MTERF4: variants seen among roughly 807,000 people sequenced by gnomAD.
The protein encoded by MTERF4 is mitochondrial transcription termination factor 4, also known as transcription termination factor 4, mitochondrial.
MTERF4 carries 17 observed loss-of-function variants against 22.5 expected under a neutral mutation model. The observed-to-expected ratio is 0.75, with a 90% CI of 0.52 to 1.13. MTERF4 has a LOEUF of 1.13. Ranked by LOEUF, MTERF4 falls within the 50% of genes most tolerant of loss-of-function variation. MTERF4 has a pLI of 0.00. For missense variants in MTERF4, 420 were observed against 466.8 expected (o/e 0.90, Z 0.92); for synonymous variants, 165 against 175.3 (o/e 0.94, Z 0.47).
chr2:241,076,142 T>C (rs1031740521), intron 4 of MTERF4, among the ~76,000 whole-genome samples: 1 of 152,240 alleles, frequency 6.6e-6, no homozygotes, highest in Non-Finnish European at 1.5e-5. Context: ...CTTCCACATA[T>C]ACACCTTCAA....
chr2:241,062,981 A>G, the MTERF4 span: 1 of 945,904 alleles, frequency 1.1e-6, no homozygotes, highest in Non-Finnish European at 1.6e-6. Context: ...GGTCCCCCGG[A>G]CAGGTCTCTG....
At chr2:241,077,003 C>T (rs112966382) in intron 4 of MTERF4, among the ~76,000 whole-genome samples, 2 of 151,198 alleles carry the variant, frequency 1.3e-5, no homozygotes, top group African/African-American at 4.9e-5. Context: ...GGCGTGAACC[C>T]GGGAGGTGGA....
chr2:241,078,261 T>C (rs960078214), intron 4 of MTERF4, among the ~76,000 whole-genome samples: 5 of 151,388 alleles, frequency 3.3e-5, no homozygotes, highest in African/African-American at 4.9e-5. Flanking sequence ...CGGGCGCCTG[T>C]AGTCCCAGCT....
the MTERF4 span, chr2:241,053,305 A>C: frequency 6.3e-7 from 1 of 1,589,968 alleles, no homozygotes; most frequent in Non-Finnish European, 8.6e-7. Flanking sequence ...CGGTGTCTGG[A>C]GTGAGCCTCC....
At position 241,099,396 on chromosome 2, in the gene MTERF4, C is replaced by G; in HGVS notation, c.520G>C (p.Gly174Arg). 7 of 1,611,314 alleles carry G rather than the reference C, an allele frequency of 4.3e-6. No individual in the cohort carries two copies. The highest frequency in any genetic ancestry group is 5.9e-6 in the Non-Finnish European group (7 of 1,178,410). Residue 174 changes from glycine (G) to arginine (R), a missense_variant and splice_region_variant, in exon 2 of 4, where the codon GGG (glycine) becomes CGG (arginine). Gly to Arg is a moderately radical substitution (Grantham distance 125). Coordinates refer to ENST00000391980, the MANE Select transcript of MTERF4 (RefSeq NM_182501.4). ...SYLQKLGLGEGKLKRVLYCCP... is the reference protein window; with the variant it reads ...SYLQKLGLGERKLKRVLYCCP... ...AGCCAAAATCTGCAACTTCTTGTAC[C>G]TTCTCCAAGCCCAAGCTTTTGCAGG...
chr2:241,057,423 G>A, the MTERF4 span, among the ~76,000 whole-genome samples: 1 of 127,174 alleles, frequency 7.9e-6, no homozygotes, highest in Non-Finnish European at 1.5e-5. Flanking sequence ...GCCATACGCA[G>A]TGGCTCACAC....
At chr2:241,050,027 C>G in the MTERF4 span, 1 of 934,234 alleles carries the variant, frequency 1.1e-6, no homozygotes. Context: ...CTCCTTGTTT[C>G]GCGAATTGCT....
In MTERF4 at chr2:241,073,206, C is replaced by G; in HGVS notation, n.2956G>C. The G allele has an allele frequency of 7.6e-7, 1 of 1,318,552 alleles. No homozygotes were observed. Among genetic ancestry groups the G allele is most frequent in the South Asian group, 1.3e-5 (1 of 78,502 alleles). The allele number at this position is 1,318,552 out of a possible 1,614,324, so 81.7% of individuals were successfully genotyped here. On this transcript the variant is annotated non_coding_transcript_exon_variant, in exon 5 of 5. Coordinates refer to the MTERF4 transcript ENST00000464344. This position sits in a 1 kb window ranked among gnomAD's most constrained non-coding sequence, Gnocchi z 6.6. ...TATAGAAGCACTCAAAAGGGTGGCC[C>G]CAGGACCATCCCGGGTGCAAAGCAG...
At chr2:241,047,146 C>CAAAAAA in the MTERF4 span, among the ~76,000 whole-genome samples, 1 of 68,150 alleles carries the variant, frequency 1.5e-5, no homozygotes, top group African/African-American at 4.6e-5. Context: ...GAGACTCTGT[C>CAAAAAA]AAAAAAAAAA....
the MTERF4 span, among the ~76,000 whole-genome samples, chr2:241,056,364 C>T: frequency 6.6e-6 from 1 of 152,138 alleles, no homozygotes; most frequent in Middle Eastern, 3.2e-3. Flanking sequence ...GATCCTCCTG[C>T]CTCTGCCTCC....
rs779649126 is a variant in MTERF4, at chr2:241,099,681, C to T, written c.235G>A (p.Glu79Lys). ...TGTACCACAGGAGTCCCCTGCTTCT[C>T]AAGGAGGCACTGAACAAGATTCCTC... Reference protein sequence around the residue: ...CRRNLVQCLLEKQGTPVVQGS... With the variant: ...CRRNLVQCLLKKQGTPVVQGS... Residue 79 changes from glutamate to lysine, a missense_variant, in exon 2 of 4, where the codon GAG becomes AAG. Physicochemically the swap from Glu to Lys is moderately conservative, Grantham distance 56. Coordinates refer to ENST00000391980, the MANE Select transcript of MTERF4 (RefSeq NM_182501.4). The T allele has an allele frequency of 6.2e-7, 1 of 1,614,176 alleles. No homozygotes were observed. Among genetic ancestry groups the T allele is most frequent in the South Asian group, 1.1e-5 (1 of 91,080 alleles).
Position 241,073,226 on chromosome 2 carries a change from A to C in MTERF4, n.2936T>G. On this transcript the variant is annotated non_coding_transcript_exon_variant, in exon 5 of 5. Coordinates refer to the MTERF4 transcript ENST00000464344. This position sits in a 1 kb window ranked among gnomAD's most constrained non-coding sequence, Gnocchi z 6.6. ...TGGCCCCAGGACCATCCCGGGTGCA[A>C]AGCAGCTGCGCCGTGTGGTCACCGC... The C allele has an allele frequency of 6.8e-7, 1 of 1,475,282 alleles. No individual in the cohort carries two copies. The highest frequency in any genetic ancestry group is 9.3e-7 in the Non-Finnish European group (1 of 1,079,588). 91.4% of individuals were successfully genotyped at this position (1,475,282 alleles called of 1,614,324 possible). A position where few individuals can be genotyped will look rare whatever the true frequency, so the allele number is the denominator to read the frequency against.
At chr2:241,046,008 A>C in the MTERF4 span, among the ~76,000 whole-genome samples, 1 of 152,230 alleles carries the variant, frequency 6.6e-6, no homozygotes, top group African/African-American at 2.4e-5. Flanking sequence ...ACTTGAACGG[A>C]TACTTGGCCA....
downstream of MTERF4, among the ~76,000 whole-genome samples, chr2:241,086,099 T>C (rs2063560700): frequency 6.6e-6 from 1 of 152,116 alleles, no homozygotes; most frequent in African/African-American, 2.4e-5. Flanking sequence ...ACTCCTGACC[T>C]CAAGTGATCG....
At chr2:241,043,006 T>C in the MTERF4 span, among the ~76,000 whole-genome samples, 29,825 of 151,870 alleles carry the variant, frequency 0.2, 3,716 homozygotes, top group African/African-American at 0.34. Context: ...GGGATCCATG[T>C]ATGTGCAGTC....
At chr2:241,045,074 T>C in the MTERF4 span, among the ~76,000 whole-genome samples, 1 of 152,198 alleles carries the variant, frequency 6.6e-6, no homozygotes, top group Non-Finnish European at 1.5e-5. Flanking sequence ...TCCTCTCAAA[T>C]TGAAAGACTT....
chr2:241,070,303 G>A (rs2062644160), downstream of MTERF4: 6 of 1,251,090 alleles, frequency 4.8e-6, no homozygotes, highest in Non-Finnish European at 6.5e-6. Flanking sequence ...ATGCCAGGCA[G>A]ACAGCCTAGA....
At chr2:241,044,171 C>T in the MTERF4 span, among the ~76,000 whole-genome samples, 5 of 151,924 alleles carry the variant, frequency 3.3e-5, no homozygotes, top group Non-Finnish European at 5.9e-5. Context: ...AAGTAAAAGC[C>T]GATAGCAAGA....
downstream of MTERF4, chr2:241,094,415 C>T (rs529432480): frequency 9.8e-5 from 46 of 471,088 alleles, no homozygotes; most frequent in Admixed American, 1.9e-4. The surrounding 1 kb of genome is among the most constrained non-coding windows in gnomAD (Gnocchi z 4.3). Flanking sequence ...TTTGCAGTCA[C>T]GCTGTAAGAC....
Sources: gnomAD v4.1 joint callset for allele counts (sites outside exome capture counted in the v4.1 genomes callset) on GRCh38, gnomAD v4.1.1 for gene constraint, Gnocchi (gnomAD v3.1) non-coding constraint, MANE v1.5 for transcripts, NCBI Gene and HGNC (gene_info 2026-07-23, HGNC 2026-07-21) for gene names.